Variants in GPR137C observed in about 807,000 individuals in gnomAD.
GPR137C encodes the protein G protein-coupled receptor 137C.
Under a neutral mutation model 43.4 loss-of-function variants are expected in GPR137C, and 27 were observed. That is an observed-to-expected ratio of 0.62 (90% confidence interval 0.46 to 0.86). The LOEUF is 0.86. GPR137C is among the 40% of genes least tolerant of loss of function. The pLI is 0.00. For missense variants in GPR137C, 522 were observed against 534.6 expected, an observed-to-expected ratio of 0.98 and a Z score of 0.23; for synonymous variants, 285 against 226.9, an observed-to-expected ratio of 1.26 and a Z score of -2.30.
At chr14:52,569,342 T>G (rs1163626939) in intron 1 of GPR137C, among the ~76,000 whole-genome samples, 1 of 150,174 alleles carries the variant, frequency 6.7e-6, no homozygotes, top group Admixed American at 6.7e-5. Flanking sequence ...GAAAAACCAG[T>G]GCAGAAAGGC....
intron 1 of GPR137C, among the ~76,000 whole-genome samples, chr14:52,555,572 T>C (rs2038180366): frequency 6.6e-6 from 1 of 152,186 alleles, no homozygotes; most frequent in African/African-American, 2.4e-5. Context: ...AGTATCTAGA[T>C]TGGGTCTTCA....
intron 1 of GPR137C, among the ~76,000 whole-genome samples, chr14:52,575,169 A>G (rs1321689560): frequency 6.6e-6 from 1 of 152,200 alleles, no homozygotes; most frequent in Non-Finnish European, 1.5e-5. Flanking sequence ...TAGTAACAAA[A>G]GCTCACAAAT....
At chr14:52,606,091 A>G (rs768022094) in intron 3 of GPR137C, among the ~76,000 whole-genome samples, 24 of 152,246 alleles carry the variant, frequency 1.6e-4, no homozygotes, top group Non-Finnish European at 3.2e-4. Context: ...CGCTCCTTCA[A>G]TTTTTTGAAA....
chr14:52,592,421 C>A (rs2038796410), intron 1 of GPR137C, among the ~76,000 whole-genome samples: 1 of 152,154 alleles, frequency 6.6e-6, no homozygotes, highest in Admixed American at 6.5e-5. Flanking sequence ...TTACCTTGGG[C>A]AGTATGGGCA....
chr14:52,579,296 T>G (rs2038609866), intron 1 of GPR137C, among the ~76,000 whole-genome samples: 1 of 152,156 alleles, frequency 6.6e-6, no homozygotes, highest in African/African-American at 2.4e-5. Flanking sequence ...GGCTTTTTGG[T>G]GGCCTCTCCA....
rs1006835081 is a variant in GPR137C, at chr14:52,637,108, A to C, written c.*1993A>C. ...AAAATAACTTGGTTCTTTCTGCTGC[A>C]TTAGTTGATTGTTCCAAATTTGAGG... is the stretch of plus-strand genomic sequence containing the variant. On this transcript the variant is annotated 3_prime_UTR_variant, in exon 7 of 7. Transcript: ENST00000321662. The C allele has an allele frequency of 6.6e-6, 1 of 152,240 alleles. No homozygotes were observed. Among genetic ancestry groups the C allele is most frequent in the African/African-American group, 2.4e-5 (1 of 41,566 alleles). 9.4% of individuals were successfully genotyped at this position (152,240 alleles called of 1,614,324 possible).
intron 1 of GPR137C, among the ~76,000 whole-genome samples, chr14:52,567,436 T>G (rs1274761762): frequency 6.6e-6 from 1 of 152,198 alleles, no homozygotes. Flanking sequence ...TAATTTATGG[T>G]AATATTTGAG....
chr14:52,624,373 T>C (rs2039196298), intron 3 of GPR137C, among the ~76,000 whole-genome samples: 1 of 152,086 alleles, frequency 6.6e-6, no homozygotes, highest in African/African-American at 2.4e-5. Context: ...GGATATAAAA[T>C]GAGTGACTCA....
intron 1 of GPR137C, among the ~76,000 whole-genome samples, chr14:52,558,487 G>A (rs1040825249): frequency 6.6e-6 from 1 of 152,074 alleles, no homozygotes; most frequent in African/African-American, 2.4e-5. Context: ...CAGACTGGGG[G>A]GTTTCAGGAG....
intron 3 of GPR137C, among the ~76,000 whole-genome samples, chr14:52,631,174 C>T (rs1007225107): frequency 6.6e-6 from 1 of 152,152 alleles, no homozygotes; most frequent in Non-Finnish European, 1.5e-5. Flanking sequence ...GGTTCTGACT[C>T]AGATAATTAT....
Position 52,600,249 on chromosome 14 carries a change from G to C in GPR137C, c.625G>C (p.Asp209His), listed in dbSNP as rs781648942. 11 of 1,613,448 alleles carry C rather than the reference G, an allele frequency of 6.8e-6. No individual in the cohort carries two copies. Among genetic ancestry groups the C allele is most frequent in the African/African-American group, 1.3e-5 (1 of 74,898 alleles). The change falls in exon 3 of 7, where the codon GAT (aspartate) becomes CAT (histidine). Residue 209 changes from aspartate (D) to histidine (H), a missense_variant. By Grantham distance (81) the Asp-to-His change is moderately conservative (BLOSUM62 -1). Transcript: ENST00000321662. ...TGTGTTTGTTCGAGCATTAATTAATGATAGCCTGTTTATTCTTTGTGCCAT... is the reference window on the plus strand; with the variant it reads ...TGTGTTTGTTCGAGCATTAATTAATCATAGCCTGTTTATTCTTTGTGCCAT... Reference protein sequence around the residue: ...WTVFVRALINDSLFILCAISL... With the variant: ...WTVFVRALINHSLFILCAISL...
In GPR137C at chr14:52,553,602, AG is replaced by A. The variant is rs963015561; in HGVS notation, c.444+14del. The A allele has an allele frequency of 6.7e-7, 1 of 1,490,938 alleles. No individual in the cohort carries two copies. Among genetic ancestry groups the A allele is most frequent in the African/African-American group, 1.4e-5 (1 of 69,422 alleles). The allele number at this position is 1,490,938 out of a possible 1,614,324, so 92.4% of individuals were successfully genotyped here. On this transcript the variant is annotated intron_variant, in intron 1 of 6. Transcript: ENST00000321662. Reference sequence around the variant, plus strand: ...CTCTACCTGGCGGAGGTAAGGCGGGAGGGCCGGCATGCGGGGCCCGGGCGGG... The same window carrying A: ...CTCTACCTGGCGGAGGTAAGGCGGGAGGCCGGCATGCGGGGCCCGGGCGGG...
chr14:52,587,937 A>C (rs1457183775), intron 1 of GPR137C, among the ~76,000 whole-genome samples: 1 of 152,226 alleles, frequency 6.6e-6, no homozygotes, highest in Non-Finnish European at 1.5e-5. Flanking sequence ...TACTTTTTTA[A>C]AAGAAGTTCC....
Position 52,553,172 on chromosome 14 carries a change from G to T in GPR137C, c.25G>T (p.Ala9Ser). The stretch of plus-strand genomic sequence containing the variant: ...CATGAGGGTGTCCGTGCCGGGTCCG[G>T]CGGCCGCTGCCGCCCCCGCAGCCGG... MRVSVPGP[A>S]AAAAPAAGRE... The change falls in exon 1 of 7, where the codon GCG becomes TCG. Residue 9 changes from alanine (A) to serine (S), a missense_variant. Ala to Ser is a moderately conservative substitution (Grantham distance 99, BLOSUM62 1). Around this residue, in one of 3 missense-constraint regions of GPR137C, gnomAD observed 437 missense variants for 425.7 expected, o/e 1.03. Transcript: ENST00000321662. The T allele has an allele frequency of 8.5e-7, 1 of 1,179,836 alleles. No homozygotes were observed. Among genetic ancestry groups the T allele is most frequent in the Non-Finnish European group, 1.0e-6 (1 of 956,794 alleles). The allele number at this position is 1,179,836 out of a possible 1,614,324, so 73.1% of individuals were successfully genotyped here.
chr14:52,554,825 G>C (rs112130178), intron 1 of GPR137C, among the ~76,000 whole-genome samples: 276 of 152,110 alleles, frequency 1.8e-3, no homozygotes, highest in African/African-American at 6.4e-3. Context: ...CATAATGTCA[G>C]CTATTTAGCA....
At chr14:52,625,755 C>T (rs940690043) in intron 3 of GPR137C, among the ~76,000 whole-genome samples, 4 of 151,586 alleles carry the variant, frequency 2.6e-5, no homozygotes, top group African/African-American at 7.3e-5. Context: ...GGGTTTTCAC[C>T]GTGTTAGCCA....
chr14:52,618,713 T>G (rs1173085198), intron 3 of GPR137C, among the ~76,000 whole-genome samples: 1 of 152,180 alleles, frequency 6.6e-6, no homozygotes, highest in Non-Finnish European at 1.5e-5. Flanking sequence ...TATTCTAACA[T>G]TATTTTCCAT....
intron 1 of GPR137C, among the ~76,000 whole-genome samples, chr14:52,576,969 C>G (rs1452406700): frequency 6.6e-6 from 1 of 152,024 alleles, no homozygotes; most frequent in African/African-American, 2.4e-5. Context: ...GCAGGTGGAT[C>G]ACTTGAGGTC....
chr14:52,627,774 G>T (rs1365927016), intron 3 of GPR137C, among the ~76,000 whole-genome samples: 2 of 152,102 alleles, frequency 1.3e-5, no homozygotes, highest in Admixed American at 1.3e-4. Flanking sequence ...AACCTGGGAG[G>T]TGGAGGTTGC....
Sources: gnomAD v4.1 joint callset for allele counts (sites outside exome capture counted in the v4.1 genomes callset) on GRCh38, gnomAD v4.1.1 for gene constraint, gnomAD v4.1.1 regional missense constraint, MANE v1.5 for transcripts, NCBI Gene and HGNC (gene_info 2026-07-23, HGNC 2026-07-21) for gene names.